The following TMEFF2 variants were observed in gnomAD, a reference collection of about 807,000 sequenced individuals.
TMEFF2 encodes the protein transmembrane protein with EGF like and two follistatin like domains 2.
Under a neutral mutation model 53.8 loss-of-function variants are expected in TMEFF2, and 28 were observed. The ratio of observed to expected loss-of-function variants is 0.52; its 90% CI spans 0.39 to 0.71. The LOEUF is 0.71. TMEFF2 is among the 30% of genes least tolerant of loss of function. The pLI, the probability that TMEFF2 is intolerant of heterozygous loss-of-function variation, is 0.00. For missense variants in TMEFF2, 353 were observed against 455.2 expected (o/e 0.78, Z 2.04); for synonymous variants, 162 against 166.3 (o/e 0.97, Z 0.20).
intron 4 of TMEFF2, among the ~76,000 whole-genome samples, chr2:192,170,749 G>T (rs1476972522): frequency 6.6e-6 from 1 of 151,992 alleles, no homozygotes; most frequent in Non-Finnish European, 1.5e-5. Flanking sequence ...AGAGAGATCA[G>T]CAAGGAACAC....
At chr2:192,147,352 TTAAG>T (rs1332157542) in intron 4 of TMEFF2, among the ~76,000 whole-genome samples, 2 of 152,064 alleles carry the variant, frequency 1.3e-5, no homozygotes, top group Non-Finnish European at 2.9e-5. Context: ...TTATTATACT[TTAAG>T]TTTTAGGGTA....
At chr2:192,087,957 A>G (rs1559120764) in intron 4 of TMEFF2, among the ~76,000 whole-genome samples, 1 of 152,194 alleles carries the variant, frequency 6.6e-6, no homozygotes. Context: ...ATTTACTACA[A>G]TTAGTTCCTG....
At chr2:192,132,334 C>T (rs1218108274) in intron 4 of TMEFF2, among the ~76,000 whole-genome samples, 2 of 152,100 alleles carry the variant, frequency 1.3e-5, no homozygotes, top group African/African-American at 4.8e-5. Context: ...CATTTAGGCT[C>T]TTTTTCATCA....
intron 4 of TMEFF2, among the ~76,000 whole-genome samples, chr2:192,115,787 G>C (rs954704775): frequency 6.6e-6 from 1 of 151,954 alleles, no homozygotes; most frequent in African/African-American, 2.4e-5. Context: ...AACACAATGA[G>C]TATCACCTCA....
intron 4 of TMEFF2, among the ~76,000 whole-genome samples, chr2:192,126,565 T>G (rs1301492579): frequency 1.3e-5 from 2 of 152,202 alleles, no homozygotes; most frequent in African/African-American, 4.8e-5. Flanking sequence ...AGGTTTCATG[T>G]CACAACTTGA....
chr2:192,013,350 C>T (rs1175650972), intron 5 of TMEFF2, among the ~76,000 whole-genome samples: 2 of 152,166 alleles, frequency 1.3e-5, no homozygotes, highest in Non-Finnish European at 2.9e-5. Context: ...ATGTCCTAAT[C>T]TCAGATACTT....
At chr2:192,070,061 G>T (rs1313150346) in intron 4 of TMEFF2, among the ~76,000 whole-genome samples, 9 of 123,418 alleles carry the variant, frequency 7.3e-5, no homozygotes, top group African/African-American at 2.6e-4. Flanking sequence ...CGTTTGGGGG[G>T]AAAATTGCTA....
intron 9 of TMEFF2, among the ~76,000 whole-genome samples, chr2:191,951,831 A>T (rs1477756912): frequency 6.6e-6 from 1 of 152,198 alleles, no homozygotes. Flanking sequence ...TTTATGTGCT[A>T]TGCCTTCCCC....
chr2:192,155,145 C>T (rs185632650), intron 4 of TMEFF2, among the ~76,000 whole-genome samples: 14 of 151,948 alleles, frequency 9.2e-5, no homozygotes, highest in African/African-American at 3.4e-4. Flanking sequence ...ATGGTTGGAA[C>T]AAAATCATTT....
intron 4 of TMEFF2, among the ~76,000 whole-genome samples, chr2:192,092,862 T>C (rs942835395): frequency 6.6e-6 from 1 of 152,080 alleles, no homozygotes; most frequent in African/African-American, 2.4e-5. Context: ...AATTCTCTCC[T>C]ATAGCATCAA....
At chr2:192,135,598 C>T (rs1277503609) in intron 4 of TMEFF2, among the ~76,000 whole-genome samples, 4 of 152,038 alleles carry the variant, frequency 2.6e-5, no homozygotes, top group Non-Finnish European at 5.9e-5. Context: ...ATTCTCTCTC[C>T]ATACCACCCC....
chr2:192,016,360 A>G lies in TMEFF2; in HGVS notation c.537-17152T>C, dbSNP rs376009036. Among the ~76,000 whole-genome samples, 20 of 152,290 alleles carry G rather than the reference A, an allele frequency of 1.3e-4. 1 individual carries two copies. In the East Asian group the frequency reaches 3.1e-3, roughly 23 times the overall value. On this transcript the variant is annotated intron_variant, in intron 5 of 9. Coordinates refer to ENST00000272771, the MANE Select transcript of TMEFF2 (RefSeq NM_016192.4). ...TTGATCAAGGGTCATTTATTTTATAATCTTTTTGGACACTACAGTTTGATC... is the reference window on the plus strand; with the variant it reads ...TTGATCAAGGGTCATTTATTTTATAGTCTTTTTGGACACTACAGTTTGATC...
intron 4 of TMEFF2, among the ~76,000 whole-genome samples, chr2:192,132,627 C>T (rs1173383357): frequency 6.6e-6 from 1 of 152,140 alleles, no homozygotes; most frequent in Non-Finnish European, 1.5e-5. Flanking sequence ...CTCCAGCACA[C>T]AAGAACTTCC....
At chr2:192,065,160 A>G (rs924569095) in intron 4 of TMEFF2, among the ~76,000 whole-genome samples, 1 of 151,820 alleles carries the variant, frequency 6.6e-6, no homozygotes, top group African/African-American at 2.4e-5. Flanking sequence ...AGATTTGATA[A>G]TAGTTAAGGT....
At chr2:192,055,294 C>G (rs1687875511) in intron 5 of TMEFF2, among the ~76,000 whole-genome samples, 1 of 152,032 alleles carries the variant, frequency 6.6e-6, no homozygotes, top group Non-Finnish European at 1.5e-5. Context: ...TCCATAATCC[C>G]CTGGGGGTCT....
intron 4 of TMEFF2, among the ~76,000 whole-genome samples, chr2:192,083,641 T>C (rs1688604117): frequency 2.0e-5 from 3 of 151,612 alleles, no homozygotes. Context: ...GCGGTTACCA[T>C]ATGTAGTATT....
At chr2:192,133,533 C>T (rs1031969020) in intron 4 of TMEFF2, among the ~76,000 whole-genome samples, 1 of 152,214 alleles carries the variant, frequency 6.6e-6, no homozygotes, top group African/African-American at 2.4e-5. Context: ...CCAGACAAGC[C>T]TTACAAGTTA....
chr2:191,954,042 T>C (rs1025115572), intron 8 of TMEFF2, among the ~76,000 whole-genome samples: 2 of 151,964 alleles, frequency 1.3e-5, no homozygotes, highest in Admixed American at 6.5e-5. Flanking sequence ...CGCCCGCCAC[T>C]ATGCCCGGCT....
intron 5 of TMEFF2, among the ~76,000 whole-genome samples, chr2:192,017,803 C>A (rs1333439834): frequency 1.3e-5 from 2 of 152,132 alleles, no homozygotes; most frequent in Non-Finnish European, 2.9e-5. Context: ...CTTCATATAT[C>A]CACTTGGGTG....
Sources: allele counts gnomAD v4.1 joint callset (sites outside exome capture counted in the v4.1 genomes callset), GRCh38; gene constraint gnomAD v4.1.1; transcripts MANE v1.5; gene names NCBI Gene and HGNC (gene_info 2026-07-23, HGNC 2026-07-21).